PCSK2: variants seen among roughly 807,000 people sequenced by gnomAD.
The protein encoded by PCSK2 is neuroendocrine convertase 2.
In PCSK2, 14 loss-of-function variants were observed where a neutral mutation model predicts 69.7. That is an observed-to-expected ratio of 0.20 (90% confidence interval 0.13 to 0.31). The LOEUF (loss-of-function observed/expected upper bound fraction) is 0.31, where lower values mean the gene tolerates loss of function less well. PCSK2 is among the 10% of genes least tolerant of loss of function. The pLI is 1.00. For synonymous variants in PCSK2, 307 were observed against 320.7 expected (o/e 0.96, Z 0.46); for missense variants, 544 against 842.5 (o/e 0.65, Z 4.39).
intron 4 of PCSK2, 102 bp downstream of exon 4, chr20:17,360,742 C>G (rs1031660344): frequency 4.3e-6 from 3 of 694,858 alleles, no homozygotes; most frequent in Non-Finnish European, 7.8e-6. Flanking sequence ...AGAGATGGAA[C>G]AGCAAGATAC....
At chr20:17,276,445 A>AACACACACACACACAC (rs58766799) in intron 2 of PCSK2, among the ~76,000 whole-genome samples, 15 of 146,974 alleles carry the variant, frequency 1.0e-4, no homozygotes, top group Middle Eastern at 3.4e-3. Flanking sequence ...TTTTAAATTC[A>AACACACACACACACAC]ACACACACAC....
At chr20:17,401,896 T>A (rs2031644808) in intron 5 of PCSK2, among the ~76,000 whole-genome samples, 1 of 152,212 alleles carries the variant, frequency 6.6e-6, no homozygotes, top group Admixed American at 6.5e-5. Flanking sequence ...TGGAGCCAGC[T>A]CTTAGAGCCT....
At chr20:17,311,987 C>A (rs17703147) in intron 2 of PCSK2, among the ~76,000 whole-genome samples, 11,089 of 152,170 alleles carry the variant, frequency 0.073, 550 homozygotes, top group Non-Finnish European at 0.11. Flanking sequence ...ACACAGGGAC[C>A]AAATAAATAG....
chr20:17,435,486 C>A (rs2032466596), intron 7 of PCSK2, among the ~76,000 whole-genome samples: 1 of 152,178 alleles, frequency 6.6e-6, no homozygotes, highest in Non-Finnish European at 1.5e-5. Flanking sequence ...GGAAAGAAAG[C>A]AATTTCATGT....
chr20:17,369,356 A>G (rs2123230287), intron 5 of PCSK2, 79 bp downstream of exon 5: 1 of 1,050,832 alleles, frequency 9.5e-7, no homozygotes, highest in East Asian at 2.4e-5. Flanking sequence ...GAACATGCAC[A>G]TGTCTACATG....
chr20:17,448,852 GGAGTT>G (rs2032748989), intron 8 of PCSK2, among the ~76,000 whole-genome samples: 1 of 150,980 alleles, frequency 6.6e-6, no homozygotes, highest in South Asian at 2.1e-4. Flanking sequence ...AATTCAAAGT[GGAGTT>G]GCACCACTCA....
intron 2 of PCSK2, among the ~76,000 whole-genome samples, chr20:17,296,419 T>G (rs931987810): frequency 6.6e-6 from 1 of 152,228 alleles, no homozygotes; most frequent in Non-Finnish European, 1.5e-5. Flanking sequence ...GATGACCTTT[T>G]GTAGACATCC....
At chr20:17,379,245 C>A (rs1415307267) in intron 5 of PCSK2, among the ~76,000 whole-genome samples, 1 of 152,226 alleles carries the variant, frequency 6.6e-6, no homozygotes, top group Non-Finnish European at 1.5e-5. Flanking sequence ...GGGCAGTCAT[C>A]CACACTGCTT....
intron 2 of PCSK2, among the ~76,000 whole-genome samples, chr20:17,327,467 C>G (rs143921186): frequency 6.6e-6 from 1 of 152,164 alleles, no homozygotes; most frequent in Non-Finnish European, 1.5e-5. Context: ...ATCCTGTATC[C>G]TCCAAAGATT....
At chr20:17,328,007 G>A (rs1259465750) in intron 2 of PCSK2, among the ~76,000 whole-genome samples, 1 of 152,116 alleles carries the variant, frequency 6.6e-6, no homozygotes, top group Non-Finnish European at 1.5e-5. Context: ...TCCTGAGCCT[G>A]CCTCTGCACC....
intron 5 of PCSK2, among the ~76,000 whole-genome samples, chr20:17,372,330 G>C (rs1227545800): frequency 6.6e-6 from 1 of 151,780 alleles, no homozygotes; most frequent in African/African-American, 2.4e-5. Context: ...AGTGAGCTGA[G>C]ATTGCACCAC....
chr20:17,443,584 C>A (rs1397212029), intron 8 of PCSK2, among the ~76,000 whole-genome samples: 4 of 152,100 alleles, frequency 2.6e-5, no homozygotes, highest in Admixed American at 2.6e-4. Flanking sequence ...TTTTTTGACA[C>A]CTGAGGCCAA....
In PCSK2 at chr20:17,416,555, C is replaced by T. The variant is rs142118993; in HGVS notation, c.620+7216C>T. On this transcript the variant is annotated intron_variant, in intron 6 of 11. Coordinates refer to ENST00000262545, the MANE Select transcript of PCSK2 (RefSeq NM_002594.5). ...TGGAGAGGATGTGGAGAAATAGGAA[C>T]GCTTTTGCACTGTTGGTGGGAGTGT... Among the ~76,000 whole-genome samples, 469 of 152,256 alleles carry T rather than the reference C, an allele frequency of 3.1e-3. 5 individuals carry two copies. The highest frequency in any genetic ancestry group is 0.011 in the African/African-American group (443 of 41,556).
intron 2 of PCSK2, among the ~76,000 whole-genome samples, chr20:17,277,360 C>T (rs1988122981): frequency 6.6e-6 from 1 of 152,086 alleles, no homozygotes; most frequent in South Asian, 2.1e-4. Context: ...GGTACTGGTA[C>T]CAAAACAGAT....
chr20:17,290,516 A>T lies in PCSK2; in HGVS notation c.282+30172A>T, dbSNP rs146707476. On this transcript the variant is annotated intron_variant, in intron 2 of 11. Transcript: ENST00000262545. ...TTCTTACCACCACCCTAGGAGGTGG[A>T]TGTTATCATCCTGTTTACTAATGGA... is the stretch of plus-strand genomic sequence containing the variant. 3.3e-3 allele frequency among the ~76,000 whole-genome samples: 498 copies of T among 152,232 alleles called. 2 individuals are homozygous for T. The highest frequency in any genetic ancestry group is 0.011 in the African/African-American group (459 of 41,538).
At chr20:17,400,780 A>G (rs566485474) in intron 5 of PCSK2, among the ~76,000 whole-genome samples, 2 of 152,120 alleles carry the variant, frequency 1.3e-5, no homozygotes, top group East Asian at 1.9e-4. Context: ...ACTCTATTCT[A>G]CATATTGCCT....
At chr20:17,378,164 T>A (rs1307747163) in intron 5 of PCSK2, among the ~76,000 whole-genome samples, 1 of 152,166 alleles carries the variant, frequency 6.6e-6, no homozygotes, top group Non-Finnish European at 1.5e-5. Flanking sequence ...CATATAGGAA[T>A]GCAATAGCTA....
intron 5 of PCSK2, among the ~76,000 whole-genome samples, chr20:17,400,241 G>A (rs6105750): frequency 0.39 from 59,539 of 151,990 alleles, 12,345 homozygotes; most frequent in South Asian, 0.61. Flanking sequence ...TTATTTGCCA[G>A]GTATTTGCTT....
chr20:17,277,508 C>T (rs1163708264), intron 2 of PCSK2, among the ~76,000 whole-genome samples: 1 of 152,194 alleles, frequency 6.6e-6, no homozygotes, highest in Non-Finnish European at 1.5e-5. Flanking sequence ...GGAAAACTGG[C>T]TAGCCATATG....
Sources: allele counts gnomAD v4.1 joint callset (sites outside exome capture counted in the v4.1 genomes callset), GRCh38; gene constraint gnomAD v4.1.1; transcripts MANE v1.5; gene names NCBI Gene and HGNC (gene_info 2026-07-23, HGNC 2026-07-21).